The following LRRK2 variants were observed in gnomAD, a reference collection of about 807,000 sequenced individuals.
The protein encoded by LRRK2 is leucine rich repeat kinase 2, also known as leucine-rich repeat serine/threonine-protein kinase 2.
In LRRK2, 203 loss-of-function variants were observed where a neutral mutation model predicts 302.6. That is an observed-to-expected ratio of 0.67 (90% confidence interval 0.60 to 0.75). LRRK2 has a LOEUF of 0.75. Among genes scored for constraint, LRRK2 ranks in the 30% least tolerant of loss-of-function variants. LRRK2 has a pLI of 0.00. For missense variants in LRRK2, 2,830 were observed against 2,951.0 expected (o/e 0.96, Z 0.95); for synonymous variants, 1,066 against 1,031.9 (o/e 1.03, Z -0.63).
At chr12:40,313,717 G>T (rs1020360519) in intron 31 of LRRK2, among the ~76,000 whole-genome samples, 2 of 151,542 alleles carry the variant, frequency 1.3e-5, no homozygotes, top group Non-Finnish European at 2.9e-5. Context: ...TCTGGATAGC[G>T]AGATAAATAT....
At chr12:40,290,247 A>G (rs745354422) in intron 20 of LRRK2, among the ~76,000 whole-genome samples, 4 of 152,004 alleles carry the variant, frequency 2.6e-5, no homozygotes, top group Non-Finnish European at 5.9e-5. Context: ...TGTTAAACCA[A>G]CTTGCATTCC....
chr12:40,368,099 G>A lies in LRRK2; in HGVS notation c.*334G>A, dbSNP rs201763689. 3 of 175,380 alleles carry A rather than the reference G, an allele frequency of 1.7e-5. No homozygotes were observed. Among genetic ancestry groups the A allele is most frequent in the Non-Finnish European group, 3.6e-5 (3 of 82,906 alleles). 10.9% of individuals were successfully genotyped at this position (175,380 alleles called of 1,614,324 possible). A position where few individuals can be genotyped will look rare whatever the true frequency, so the allele number is the denominator to read the frequency against. On this transcript the variant is annotated 3_prime_UTR_variant, in exon 51 of 51. Transcript: ENST00000298910. Reference sequence around the variant, plus strand: ...ATTTTTTGTTTTCTTGTCTGTAATGGAGGTAAACTTTATTTTAAATTCTGT... The same window carrying A: ...ATTTTTTGTTTTCTTGTCTGTAATGAAGGTAAACTTTATTTTAAATTCTGT...
intron 31 of LRRK2, among the ~76,000 whole-genome samples, chr12:40,312,489 AT>A (rs539549494): frequency 1.3e-5 from 2 of 152,022 alleles, no homozygotes; most frequent in African/African-American, 4.8e-5. Flanking sequence ...ATTAGAGATC[AT>A]TTTTTGTCCT....
At chr12:40,258,634 A>G (rs1335028803) in intron 12 of LRRK2, among the ~76,000 whole-genome samples, 4 of 152,198 alleles carry the variant, frequency 2.6e-5, no homozygotes. Context: ...CGAGAGACTG[A>G]TAAGTAAACA....
At chr12:40,351,006 G>A (rs7132187) in intron 43 of LRRK2, among the ~76,000 whole-genome samples, 39,500 of 151,970 alleles carry the variant, frequency 0.26, 5,927 homozygotes, top group Middle Eastern at 0.4. Flanking sequence ...CCTGAGTGGC[G>A]GGCAGGTGGC....
At chr12:40,365,455 C>A (rs1019642739) in intron 49 of LRRK2, 2 of 169,842 alleles carry the variant, frequency 1.2e-5, no homozygotes, top group African/African-American at 4.8e-5. Flanking sequence ...TATAACAAAT[C>A]TTTTTTCTTG....
At chr12:40,260,841 A>T (rs868660671) in intron 13 of LRRK2, among the ~76,000 whole-genome samples, 24 of 152,236 alleles carry the variant, frequency 1.6e-4, no homozygotes, top group Middle Eastern at 6.8e-3. Flanking sequence ...TGACATCGTG[A>T]TCCCTAAGTA....
intron 14 of LRRK2, among the ~76,000 whole-genome samples, chr12:40,264,151 T>C (rs943109736): frequency 2.6e-5 from 4 of 152,166 alleles, no homozygotes. Context: ...GTAACATAAA[T>C]CCACTCTAGT....
At chr12:40,283,390 G>A (rs763639731) in intron 18 of LRRK2, among the ~76,000 whole-genome samples, 3 of 152,192 alleles carry the variant, frequency 2.0e-5, no homozygotes, top group Non-Finnish European at 2.9e-5. Flanking sequence ...AGCTAGACAC[G>A]AGTAATGACT....
intron 48 of LRRK2, among the ~76,000 whole-genome samples, chr12:40,363,911 T>G (rs1452218274): frequency 1.3e-5 from 2 of 151,932 alleles, no homozygotes; most frequent in African/African-American, 2.4e-5. Context: ...CCCAGGATTA[T>G]CTGCTCTAAA....
chr12:40,282,126 TC>T, intron 18 of LRRK2, among the ~76,000 whole-genome samples: 1 of 68,866 alleles, frequency 1.5e-5, no homozygotes, highest in African/African-American at 5.6e-5. Context: ...TCCCCTCCCC[TC>T]CCCTCCCCTC....
chr12:40,274,101 A>C (rs1036739363), intron 14 of LRRK2, among the ~76,000 whole-genome samples: 2 of 152,178 alleles, frequency 1.3e-5, no homozygotes, highest in Admixed American at 1.3e-4. Flanking sequence ...GGATAAATGA[A>C]ATAACGCATG....
chr12:40,270,110 A>G (rs963051056), intron 14 of LRRK2, among the ~76,000 whole-genome samples: 4 of 152,152 alleles, frequency 2.6e-5, no homozygotes, highest in African/African-American at 9.7e-5. Flanking sequence ...ATTCATGAAA[A>G]AGTGTCAGTA....
intron 26 of LRRK2, 73 bp from the exon 27 acceptor site, chr12:40,303,875 A>G (rs964254623): frequency 1.1e-5 from 16 of 1,442,470 alleles, no homozygotes; most frequent in African/African-American, 5.6e-5. Flanking sequence ...CCTGGGGAAA[A>G]TTATTTGTGA....
chr12:40,251,935 G>A (rs117203131), intron 10 of LRRK2, among the ~76,000 whole-genome samples: 2,686 of 152,288 alleles, frequency 0.018, 56 homozygotes, highest in South Asian at 0.11. Flanking sequence ...TCAGAAATTA[G>A]ATTTGGTTAG....
Position 40,340,428 on chromosome 12 carries a change from G to A in LRRK2, c.6083G>A (p.Gly2028Glu). 2 of 1,613,732 alleles carry A rather than the reference G, an allele frequency of 1.2e-6. No homozygotes were observed. The highest frequency in any genetic ancestry group is 1.7e-6 in the Non-Finnish European group (2 of 1,179,780). The change falls in exon 41 of 51, where the codon GGG becomes GAG. Residue 2028 changes from glycine (G) to glutamate (E), a missense_variant. Physicochemically the swap from Gly to Glu is moderately conservative, Grantham distance 98. Coordinates refer to ENST00000298910, the MANE Select transcript of LRRK2 (RefSeq NM_198578.4). Reference sequence around the variant, plus strand: ...ATTGCTCAGTACTGCTGTAGAATGGGGATAAAAACATCAGAGGGCACACCA... The same window carrying A: ...ATTGCTCAGTACTGCTGTAGAATGGAGATAAAAACATCAGAGGGCACACCA... ...YGIAQYCCRM[G>E]IKTSEGTPGF...
chr12:40,270,842 A>G (rs924452997), intron 14 of LRRK2, among the ~76,000 whole-genome samples: 1 of 152,176 alleles, frequency 6.6e-6, no homozygotes, highest in Non-Finnish European at 1.5e-5. Context: ...GGATAAAGAT[A>G]GGTGCTTTAT....
intron 23 of LRRK2, among the ~76,000 whole-genome samples, chr12:40,297,673 T>C (rs576737880): frequency 1.3e-5 from 2 of 152,242 alleles, no homozygotes; most frequent in South Asian, 4.1e-4. Flanking sequence ...ACCTAAGTTT[T>C]AAAAAATTGA....
intron 49 of LRRK2, 100 bp from the exon 50 acceptor site, chr12:40,366,906 A>G: frequency 1.3e-6 from 1 of 797,278 alleles, no homozygotes; most frequent in Non-Finnish European, 2.1e-6. Flanking sequence ...ATTCAGTTCC[A>G]AGGTATTTGT....
Sources: gnomAD v4.1 joint callset for allele counts (sites outside exome capture counted in the v4.1 genomes callset) on GRCh38, gnomAD v4.1.1 for gene constraint, MANE v1.5 for transcripts, NCBI Gene and HGNC (gene_info 2026-07-23, HGNC 2026-07-21) for gene names.